The following PTPN21 variants were observed in gnomAD, a reference collection of about 807,000 sequenced individuals.
PTPN21 encodes protein tyrosine phosphatase non-receptor type 21.
In PTPN21, 77 loss-of-function variants were observed where a neutral mutation model predicts 131.8. The ratio of observed to expected loss-of-function variants is 0.58; its 90% CI spans 0.49 to 0.71. The LOEUF is 0.71. PTPN21 is among the 30% of genes least tolerant of loss of function. PTPN21 has a pLI of 0.00. For missense variants in PTPN21, 1,552 were observed against 1,527.1 expected (o/e 1.02, Z -0.27); for synonymous variants, 715 against 621.3 (o/e 1.15, Z -2.24).
chr14:88,513,554 G>A (rs1003837897), intron 3 of PTPN21: 22 of 152,132 alleles, frequency 1.4e-4, no homozygotes, highest in African/African-American at 5.3e-4. Flanking sequence ...CATGATTATC[G>A]ACAATTGAAA....
chr14:88,477,423 T>C (rs1428156358), intron 13 of PTPN21, among the ~76,000 whole-genome samples: 1 of 104,010 alleles, frequency 9.6e-6, no homozygotes, highest in African/African-American at 3.6e-5. Context: ...CACTCCAGCC[T>C]GGGCAACAGG....
intron 15 of PTPN21, among the ~76,000 whole-genome samples, chr14:88,471,599 GA>G (rs11324830): frequency 0.94 from 143,117 of 152,028 alleles, 67,792 homozygotes; most frequent in Non-Finnish European, 1. Context: ...CTTCTTCAAA[GA>G]AAAAAAATGA....
intron 10 of PTPN21, 98 bp from the exon 11 acceptor site, chr14:88,485,940 G>C: frequency 1.3e-6 from 1 of 745,784 alleles, no homozygotes; most frequent in Non-Finnish European, 2.1e-6. Context: ...ATCTTCTCAG[G>C]CAAAAAAAAA....
intron 2 of PTPN21, among the ~76,000 whole-genome samples, chr14:88,526,643 A>G (rs1276507408): frequency 6.6e-6 from 1 of 151,652 alleles, no homozygotes; most frequent in East Asian, 1.9e-4. Flanking sequence ...AAATATTCAT[A>G]ATAAAGTAAA....
chr14:88,526,852 A>T (rs909431395), intron 2 of PTPN21, among the ~76,000 whole-genome samples: 1 of 152,008 alleles, frequency 6.6e-6, no homozygotes, highest in African/African-American at 2.4e-5. Flanking sequence ...CATCATTCTC[A>T]TGCCTTTGCA....
In PTPN21 at chr14:88,479,495, C is replaced by T. The variant is rs576261282; in HGVS notation, c.1936G>A (p.Gly646Ser). ...NSIEVAGLSHGLEGLRLKERT... is the reference protein window; with the variant it reads ...NSIEVAGLSHSLEGLRLKERT... ...TCCTTGAGCCGCAGGCCCTCCAGGC[C>T]GTGGCTGAGCCCGGCCACCTCGATG... Residue 646 changes from glycine to serine, a missense_variant, in exon 13 of 19, where the codon GGC (glycine) becomes AGC (serine). Gly to Ser is a moderately conservative substitution (Grantham distance 56). Around this residue, in one of 4 missense-constraint regions of PTPN21, gnomAD observed 1,016 missense variants for 883.5 expected, o/e 1.15. Coordinates refer to ENST00000556564, the MANE Select transcript of PTPN21 (RefSeq NM_007039.4). 85 of 1,601,398 alleles carry T rather than the reference C, an allele frequency of 5.3e-5. No homozygotes were observed. In the South Asian group the frequency reaches 8.2e-4, roughly 16 times the overall value.
At chr14:88,545,939 C>G (rs1171870129) in intron 2 of PTPN21, among the ~76,000 whole-genome samples, 1 of 148,896 alleles carries the variant, frequency 6.7e-6, no homozygotes, top group Non-Finnish European at 1.5e-5. Flanking sequence ...TTGCAGTGAG[C>G]CGAGATCGCG....
rs1263587889 is a variant in PTPN21 at position 88,479,339 on chromosome 14, T to TA, written c.2091dup (p.Lys698Ter). 6.2e-7 allele frequency: 1 copy of TA among 1,613,286 alleles called. No individual in the cohort carries two copies. The highest frequency in any genetic ancestry group is 8.5e-7 in the Non-Finnish European group (1 of 1,179,624). On this transcript the variant is annotated frameshift_variant, in exon 13 of 19. Transcript: ENST00000556564. LOFTEE classifies it high-confidence loss of function. ...ATGGTGGCGTCCGACAGGGACTTCT[T>TA]ATGGCCGTACCTCAAGCCCTCCGCC... is the stretch of plus-strand genomic sequence containing the variant.
At chr14:88,476,793 CCTT>C (rs1387404764) in intron 13 of PTPN21, among the ~76,000 whole-genome samples, 2 of 152,102 alleles carry the variant, frequency 1.3e-5, no homozygotes, top group Non-Finnish European at 2.9e-5. Context: ...TAAGTAGAAT[CCTT>C]TAAGCAAAAA....
chr14:88,468,002 T>G lies in PTPN21; in HGVS notation c.*135A>C. On this transcript the variant is annotated 3_prime_UTR_variant, in exon 19 of 19. Coordinates refer to ENST00000556564, the MANE Select transcript of PTPN21 (RefSeq NM_007039.4). ...CACGTTTCCTTCAGCGTGCCGCCAT[T>G]CAGACTGCGCCACTTACGTCCCAGT... is the stretch of plus-strand genomic sequence containing the variant. 1.7e-6 allele frequency: 2 copies of G among 1,153,730 alleles called. No homozygotes were observed. The highest frequency in any genetic ancestry group is 2.5e-6 in the Non-Finnish European group (2 of 787,102). The allele number at this position is 1,153,730 out of a possible 1,614,324, so 71.5% of individuals were successfully genotyped here.
At position 88,486,925 on chromosome 14, in the gene PTPN21, G is replaced by A. The variant is rs575233052; in HGVS notation, c.933-1083C>T. On this transcript the variant is annotated intron_variant, in intron 10 of 18. Transcript: ENST00000556564. Reference sequence around the variant, plus strand: ...CAGGAGGCAGAGGTTGCAGTGAGCCGAGATTGCGCCATTGCACTCCAGCCT... The same window carrying A: ...CAGGAGGCAGAGGTTGCAGTGAGCCAAGATTGCGCCATTGCACTCCAGCCT... 1.9e-3 allele frequency among the ~76,000 whole-genome samples: 285 copies of A among 149,110 alleles called. 1 individual carries two copies. The highest frequency in any genetic ancestry group is 6.7e-3 in the African/African-American group (270 of 40,194).
chr14:88,540,846 A>G (rs1267426104), intron 2 of PTPN21, among the ~76,000 whole-genome samples: 4 of 151,924 alleles, frequency 2.6e-5, no homozygotes, highest in Admixed American at 2.6e-4. Flanking sequence ...AATTTTTTGT[A>G]TAGATAGGGT....
intron 2 of PTPN21, among the ~76,000 whole-genome samples, chr14:88,530,403 T>C (rs1289263694): frequency 6.6e-6 from 1 of 152,096 alleles, no homozygotes; most frequent in Non-Finnish European, 1.5e-5. Flanking sequence ...AGGCAACAAC[T>C]AGCACGATGA....
intron 12 of PTPN21, among the ~76,000 whole-genome samples, chr14:88,483,676 A>C (rs1464805069): frequency 2.0e-5 from 3 of 152,086 alleles, no homozygotes; most frequent in Non-Finnish European, 4.4e-5. Context: ...ACTATCCCCA[A>C]AACTAGGAAC....
At chr14:88,481,978 G>T (rs1226665973) in intron 12 of PTPN21, among the ~76,000 whole-genome samples, 1 of 152,256 alleles carries the variant, frequency 6.6e-6, no homozygotes, top group African/African-American at 2.4e-5. Flanking sequence ...AGCCTCTCCA[G>T]CTCAAGCCCC....
intron 10 of PTPN21, among the ~76,000 whole-genome samples, chr14:88,491,499 T>C (rs1398515141): frequency 6.6e-6 from 1 of 152,184 alleles, no homozygotes; most frequent in Non-Finnish European, 1.5e-5. Flanking sequence ...AGTTTACCCA[T>C]CTGGCCCATG....
rs188299517 is a variant in PTPN21, at chr14:88,534,451, G to A, written c.180+15787C>T. On this transcript the variant is annotated intron_variant, in intron 2 of 18. Coordinates refer to ENST00000556564, the MANE Select transcript of PTPN21 (RefSeq NM_007039.4). ...TTTAAAATAGAAAAAAGCTTATAGG[G>A]TAAGGATATAGATATTTTTGTATAG... Among the ~76,000 whole-genome samples, 387 of 152,092 alleles carry A rather than the reference G, an allele frequency of 2.5e-3. 5 individuals are homozygous for A. The highest frequency in any genetic ancestry group is 1.3e-3 in the Non-Finnish European group (86 of 67,986).
chr14:88,500,381 G>GAC (rs2077990403), intron 8 of PTPN21, among the ~76,000 whole-genome samples: 1 of 152,168 alleles, frequency 6.6e-6, no homozygotes, highest in Non-Finnish European at 1.5e-5. Context: ...AGTGAGTGGT[G>GAC]ACTGTACCAC....
At chr14:88,501,863 T>C (rs1194439041) in intron 6 of PTPN21, among the ~76,000 whole-genome samples, 1 of 151,744 alleles carries the variant, frequency 6.6e-6, no homozygotes, top group Non-Finnish European at 1.5e-5. Flanking sequence ...TGCACATCTA[T>C]AGTCCCAGCA....
Sources: allele counts gnomAD v4.1 joint callset (sites outside exome capture counted in the v4.1 genomes callset), GRCh38; gene constraint gnomAD v4.1.1; regional missense constraint gnomAD v4.1.1; transcripts MANE v1.5; gene names NCBI Gene and HGNC (gene_info 2026-07-23, HGNC 2026-07-21).